The following GALNTL6 variants were observed in gnomAD, a reference collection of about 807,000 sequenced individuals.
GALNTL6 encodes the protein polypeptide N-acetylgalactosaminyltransferase-like 6.
Under a neutral mutation model 73.7 loss-of-function variants are expected in GALNTL6, and 46 were observed. The observed-to-expected ratio is 0.62, with a 90% confidence interval of 0.49 to 0.80. The LOEUF is 0.80. Ranked by LOEUF, GALNTL6 falls within the 30% of genes least tolerant of loss-of-function variation. The pLI, the probability that GALNTL6 is intolerant of heterozygous loss-of-function variation, is 0.00. For missense variants in GALNTL6, 604 were observed against 755.0 expected (o/e 0.80, Z 2.34); for synonymous variants, 259 against 263.7 (o/e 0.98, Z 0.17).
chr4:172,470,495 T>C (rs1344323033), intron 5 of GALNTL6, among the ~76,000 whole-genome samples: 1 of 152,056 alleles, frequency 6.6e-6, no homozygotes, highest in Non-Finnish European at 1.5e-5. Flanking sequence ...GAAAACATAA[T>C]GCTTATAATA....
At position 172,509,640 on chromosome 4, in the gene GALNTL6, C is replaced by T. The variant is rs1263814625; in HGVS notation, c.553+160951C>T. On this transcript the variant is annotated intron_variant, in intron 5 of 12. Coordinates refer to ENST00000506823, the MANE Select transcript of GALNTL6 (RefSeq NM_001034845.3). ...GTGTATAAGGTGAGAGATGAGGATC[C>T]AGTTTCTTTCTTCTACATGTGGCTA... is the stretch of plus-strand genomic sequence containing the variant. Among the ~76,000 whole-genome samples the T allele has an allele frequency of 3.6e-5, 2 of 55,106 alleles. 1 individual carries two copies. Among genetic ancestry groups the T allele is most frequent in the Non-Finnish European group, 8.4e-5 (2 of 23,776 alleles). 36.2% of individuals were successfully genotyped at this position (55,106 alleles called of 152,430 possible).
intron 5 of GALNTL6, among the ~76,000 whole-genome samples, chr4:172,745,965 T>A (rs1180015441): frequency 6.6e-6 from 1 of 152,118 alleles, no homozygotes; most frequent in Non-Finnish European, 1.5e-5. Flanking sequence ...TTTTAAATGT[T>A]ATTACTGCTG....
At chr4:173,026,104 CAT>C (rs1451083724) in intron 12 of GALNTL6, among the ~76,000 whole-genome samples, 4 of 152,160 alleles carry the variant, frequency 2.6e-5, no homozygotes, top group Non-Finnish European at 4.4e-5. Flanking sequence ...TAGATTATAG[CAT>C]ATGTCTTAAT....
chr4:172,570,944 G>A (rs1736735658), intron 5 of GALNTL6, among the ~76,000 whole-genome samples: 1 of 152,118 alleles, frequency 6.6e-6, no homozygotes, highest in Non-Finnish European at 1.5e-5. Flanking sequence ...TCACAGTAGG[G>A]TTTGTGCTCG....
chr4:172,889,596 G>T (rs182484891), intron 8 of GALNTL6, among the ~76,000 whole-genome samples: 14 of 152,260 alleles, frequency 9.2e-5, no homozygotes, highest in Admixed American at 6.5e-4. Context: ...TACATCCGAG[G>T]AATGAAGACT....
intron 2 of GALNTL6, among the ~76,000 whole-genome samples, chr4:171,971,764 A>G (rs1338741068): frequency 1.3e-5 from 2 of 152,202 alleles, no homozygotes; most frequent in African/African-American, 2.4e-5. Flanking sequence ...GTAACCAAAA[A>G]TTGTTTTGTT....
In GALNTL6 at chr4:172,813,712, C is replaced by T. The variant is rs140548644; in HGVS notation, c.912C>T (p.Ser304=). The change falls in exon 7 of 13, where the codon AGC becomes AGT. Residue 304 remains serine, a synonymous_variant. Transcript: ENST00000506823. ...IPPELQRADP[S]DPFESPVMAG... ...CAGAGCTCCAGAGGGCAGATCCCAG[C>T]GACCCTTTTGAGTGAGTAGCAGCCA... is the stretch of plus-strand genomic sequence containing the variant. 3.0e-4 allele frequency: 474 copies of T among 1,595,286 alleles called. 1 individual carries two copies. The highest frequency in any genetic ancestry group is 3.7e-4 in the Non-Finnish European group (434 of 1,165,682).
At chr4:172,364,087 C>A (rs937382748) in intron 5 of GALNTL6, among the ~76,000 whole-genome samples, 4 of 151,898 alleles carry the variant, frequency 2.6e-5, no homozygotes, top group African/African-American at 9.7e-5. Context: ...TTTGATTTTT[C>A]TGAGAAAAAA....
chr4:172,280,869 A>G (rs1025908609), intron 3 of GALNTL6, among the ~76,000 whole-genome samples: 5 of 152,116 alleles, frequency 3.3e-5, no homozygotes, highest in African/African-American at 1.2e-4. Flanking sequence ...CCTTAAAGCA[A>G]TGCAAATTCT....
chr4:172,369,268 C>T (rs989915331), intron 5 of GALNTL6, among the ~76,000 whole-genome samples: 14 of 152,106 alleles, frequency 9.2e-5, no homozygotes, highest in Admixed American at 2.0e-4. Context: ...TCTCCAAGTC[C>T]CCACCAGATT....
At position 171,814,728 on chromosome 4, in the gene GALNTL6, A is replaced by C; in HGVS notation, c.138+10A>C. ...GCCCGGGGAGCAGCAGGTAAGTGCCACCCAGAGAAAGATCACACAAGGATT... is the reference window on the plus strand; with the variant it reads ...GCCCGGGGAGCAGCAGGTAAGTGCCCCCCAGAGAAAGATCACACAAGGATT... On this transcript the variant is annotated intron_variant, in intron 2 of 12. Transcript: ENST00000506823. 1 of 1,613,344 alleles carries C rather than the reference A, an allele frequency of 6.2e-7. No individual in the cohort carries two copies. Among genetic ancestry groups the C allele is most frequent in the East Asian group, 2.2e-5 (1 of 44,864 alleles).
At chr4:172,376,671 T>A (rs1408645000) in intron 5 of GALNTL6, among the ~76,000 whole-genome samples, 1 of 152,234 alleles carries the variant, frequency 6.6e-6, no homozygotes, top group East Asian at 1.9e-4. Context: ...CCGATGGTAC[T>A]CACCGCTTGG....
intron 2 of GALNTL6, among the ~76,000 whole-genome samples, chr4:171,949,445 CA>C (rs1468758354): frequency 1.3e-5 from 2 of 152,182 alleles, no homozygotes; most frequent in South Asian, 4.2e-4. Flanking sequence ...ATTCAGGCCT[CA>C]AAGATTTTCA....
At chr4:172,019,524 A>G (rs1252751294) in intron 2 of GALNTL6, among the ~76,000 whole-genome samples, 1 of 152,182 alleles carries the variant, frequency 6.6e-6, no homozygotes, top group Non-Finnish European at 1.5e-5. Context: ...AACAATACTT[A>G]TATGAGACAA....
intron 3 of GALNTL6, among the ~76,000 whole-genome samples, chr4:172,232,076 T>C: frequency 6.6e-6 from 1 of 151,918 alleles, no homozygotes; most frequent in South Asian, 2.1e-4. Flanking sequence ...CAGTGAAATA[T>C]ATCATAAATA....
chr4:172,075,024 A>G (rs189027716), intron 2 of GALNTL6, among the ~76,000 whole-genome samples: 4 of 152,272 alleles, frequency 2.6e-5, no homozygotes, highest in Admixed American at 2.0e-4. Flanking sequence ...CATGTTTTCT[A>G]TCTTCTCTTT....
chr4:172,423,725 ATC>A (rs1731130668), intron 5 of GALNTL6, among the ~76,000 whole-genome samples: 1 of 152,082 alleles, frequency 6.6e-6, no homozygotes, highest in Admixed American at 6.6e-5. Context: ...AAAGGTAAAC[ATC>A]TCTGTCTATT....
chr4:172,025,809 TTG>T (rs984628368), intron 2 of GALNTL6, among the ~76,000 whole-genome samples: 1 of 151,116 alleles, frequency 6.6e-6, no homozygotes, highest in African/African-American at 2.4e-5. Flanking sequence ...GTGTGTATGT[TTG>T]TGTGTGTGTG....
chr4:172,321,885 C>T (rs1293923385), intron 4 of GALNTL6, among the ~76,000 whole-genome samples: 4 of 152,154 alleles, frequency 2.6e-5, no homozygotes, highest in Non-Finnish European at 5.9e-5. Flanking sequence ...TAGGGAAAGG[C>T]AGTCTTCTAA....
Sources: gnomAD v4.1 joint callset for allele counts (sites outside exome capture counted in the v4.1 genomes callset) on GRCh38, gnomAD v4.1.1 for gene constraint, MANE v1.5 for transcripts, NCBI Gene and HGNC (gene_info 2026-07-23, HGNC 2026-07-21) for gene names.